TNFRSF8: variants seen among roughly 807,000 people sequenced by gnomAD.
The protein encoded by TNFRSF8 is tumor necrosis factor receptor superfamily member 8.
A neutral mutation model predicts 70.8 loss-of-function variants in TNFRSF8; 26 were observed. That is an observed-to-expected ratio of 0.37 (90% CI 0.27 to 0.51). TNFRSF8 has a LOEUF of 0.51. TNFRSF8 is among the 20% of genes least tolerant of loss of function. TNFRSF8 has a pLI of 0.94. For missense variants in TNFRSF8, 720 were observed against 807.9 expected (o/e 0.89, Z 1.32); for synonymous variants, 356 against 339.2 (o/e 1.05, Z -0.54).
At chr1:12,100,115 G>A (rs1244736583) in intron 3 of TNFRSF8, among the ~76,000 whole-genome samples, 4 of 152,026 alleles carry the variant, frequency 2.6e-5, no homozygotes, top group Admixed American at 6.6e-5. Context: ...GTTGCAGTGC[G>A]CCGAGATCAT....
Position 12,109,913 on chromosome 1 carries a change from G to A in TNFRSF8, c.513-128G>A. On this transcript the variant is annotated intron_variant, in intron 5 of 14. Transcript: ENST00000263932. The surrounding 1 kb of genome is among the most constrained non-coding windows in gnomAD (Gnocchi z 4.4). The stretch of plus-strand genomic sequence containing the variant: ...CAGGCCTTGCTCCCAGGAGCTTACA[G>A]TGGGCCCGCCAGAGGCAGTGGGCCA... 1 of 1,210,656 alleles carries A rather than the reference G, an allele frequency of 8.3e-7. No individual in the cohort carries two copies. Among genetic ancestry groups the A allele is most frequent in the Non-Finnish European group, 1.2e-6 (1 of 859,218 alleles). 75.0% of individuals were successfully genotyped at this position (1,210,656 alleles called of 1,614,324 possible).
At chr1:12,135,665 T>C (rs1490308624) in intron 13 of TNFRSF8, 52 bp downstream of exon 13, 3 of 1,608,036 alleles carry the variant, frequency 1.9e-6, no homozygotes, top group Non-Finnish European at 2.5e-6. Context: ...TAAATCTGAC[T>C]CCTTCCCTAA....
rs1453795344 is a variant in TNFRSF8 at position 12,110,463 on chromosome 1, C to T, written c.676+259C>T. ...GTGCCCCATCTCTCCCTCTATTTCC[C>T]TCTACGTTGGTTTGTCAGAGGGAAA... On this transcript the variant is annotated intron_variant, in intron 6 of 14. Coordinates refer to ENST00000263932, the MANE Select transcript of TNFRSF8 (RefSeq NM_001243.5). This position sits in a 1 kb window ranked among gnomAD's most constrained non-coding sequence, Gnocchi z 4.0. Among the ~76,000 whole-genome samples the T allele has an allele frequency of 6.6e-6, 1 of 152,198 alleles. No homozygotes were observed.
chr1:12,071,627 T>A (rs1367819941), intron 1 of TNFRSF8, among the ~76,000 whole-genome samples: 1 of 151,474 alleles, frequency 6.6e-6, no homozygotes, highest in Non-Finnish European at 1.5e-5. Flanking sequence ...TTGAGCTCGA[T>A]CTCTCGGCTC....
intron 2 of TNFRSF8, among the ~76,000 whole-genome samples, chr1:12,087,626 T>A (rs1641178300): frequency 6.6e-6 from 1 of 152,220 alleles, no homozygotes; most frequent in African/African-American, 2.4e-5. Flanking sequence ...GCCCGCTTGC[T>A]GTGGTTTTTA....
intron 1 of TNFRSF8, among the ~76,000 whole-genome samples, chr1:12,081,903 G>A (rs1641070455): frequency 6.6e-6 from 1 of 152,094 alleles, no homozygotes; most frequent in Non-Finnish European, 1.5e-5. Context: ...GCACCATCTT[G>A]GATGCTGAAG....
chr1:12,122,038 CG>C (rs1557599083), intron 8 of TNFRSF8, among the ~76,000 whole-genome samples: 1 of 152,056 alleles, frequency 6.6e-6, no homozygotes, highest in East Asian at 1.9e-4. Flanking sequence ...TAAAGCAGAT[CG>C]GTGGTTGCCT....
chr1:12,114,769 C>T (rs972349285), intron 7 of TNFRSF8, among the ~76,000 whole-genome samples: 1 of 123,384 alleles, frequency 8.1e-6, no homozygotes, highest in African/African-American at 3.0e-5. Flanking sequence ...AGTGCAGTGG[C>T]ACTATCTTGG....
In TNFRSF8 at chr1:12,123,322, C is replaced by T; in HGVS notation, c.985C>T (p.Leu329=). The T allele has an allele frequency of 6.2e-7, 1 of 1,613,524 alleles. No homozygotes were observed. The highest frequency in any genetic ancestry group is 1.7e-4 in the Middle Eastern group (1 of 6,058). The change falls in exon 9 of 15, where the codon CTG becomes TTG. Residue 329 remains leucine (L), a synonymous_variant. Transcript: ENST00000263932. ...EKDTTFEAPP[L]GTQPDCNPTP... is the part of the protein sequence containing the mutation. ...GGACACCACCTTTGAGGCGCCACCC[C>T]TGGGGACCCAGCCGGACTGCAACCC...
At chr1:12,125,916 C>T in intron 10 of TNFRSF8, 35 bp from the exon 11 acceptor site, 1 of 1,572,276 alleles carries the variant, frequency 6.4e-7, no homozygotes, top group South Asian at 1.1e-5. Flanking sequence ...GTGGTTGCAG[C>T]AAGGCAAAGA....
chr1:12,087,821 A>T (rs1053018162), intron 2 of TNFRSF8, among the ~76,000 whole-genome samples: 1 of 152,108 alleles, frequency 6.6e-6, no homozygotes, highest in Non-Finnish European at 1.5e-5. Flanking sequence ...CCCTCCACTT[A>T]AAAGCTGTGA....
intron 2 of TNFRSF8, among the ~76,000 whole-genome samples, chr1:12,094,058 CA>C (rs778868213): frequency 0.46 from 38,816 of 84,430 alleles, 7,542 homozygotes; most frequent in South Asian, 0.56. Flanking sequence ...GACTTTGTCT[CA>C]AAAAAAAAAA....
chr1:12,084,806 G>A (rs1293048323), intron 2 of TNFRSF8, among the ~76,000 whole-genome samples: 2 of 152,172 alleles, frequency 1.3e-5, no homozygotes, highest in Non-Finnish European at 1.5e-5. Context: ...ACGTAGAGCT[G>A]CCCTTTATTG....
intron 12 of TNFRSF8, among the ~76,000 whole-genome samples, chr1:12,130,009 A>G (rs1029283095): frequency 4.6e-5 from 7 of 152,018 alleles, no homozygotes; most frequent in Admixed American, 6.6e-5. Flanking sequence ...GGTTCAAGCA[A>G]TTCTCCTGCT....
intron 1 of TNFRSF8, among the ~76,000 whole-genome samples, chr1:12,064,268 TG>T (rs1640699873): frequency 6.6e-6 from 1 of 152,182 alleles, no homozygotes; most frequent in South Asian, 2.1e-4. Flanking sequence ...CATTTGCCCC[TG>T]GAAGAAGGTC....
In TNFRSF8 at chr1:12,112,421, A is replaced by G. The variant is rs1641650113; in HGVS notation, c.793+407A>G. ...TTTTTTTTTTCCCAGACAGGGTCTC[A>G]CTCCTTCACCCAAGCTGCAGTACGG... On this transcript the variant is annotated intron_variant, in intron 7 of 14. Coordinates refer to ENST00000263932, the MANE Select transcript of TNFRSF8 (RefSeq NM_001243.5). This position sits in a 1 kb window ranked among gnomAD's most constrained non-coding sequence, Gnocchi z 5.3. Among the ~76,000 whole-genome samples, 1 of 143,162 alleles carries G rather than the reference A, an allele frequency of 7.0e-6. No individual in the cohort carries two copies. The highest frequency in any genetic ancestry group is 1.5e-5 in the Non-Finnish European group (1 of 65,718). The allele number at this position is 143,162 out of a possible 152,430, so 93.9% of individuals were successfully genotyped here. A position where few individuals can be genotyped will look rare whatever the true frequency, so the allele number is the denominator to read the frequency against.
chr1:12,129,646 G>A (rs895349114), intron 12 of TNFRSF8, among the ~76,000 whole-genome samples: 7 of 152,052 alleles, frequency 4.6e-5, no homozygotes, highest in African/African-American at 9.7e-5. Context: ...GTTTTCTCCC[G>A]AGTGGATTCA....
chr1:12,082,565 A>AC (rs1348441453), intron 1 of TNFRSF8, among the ~76,000 whole-genome samples: 14 of 147,014 alleles, frequency 9.5e-5, no homozygotes, highest in Admixed American at 6.2e-4. Flanking sequence ...AAAAAAAAAC[A>AC]AAAACAAAAC....
intron 1 of TNFRSF8, among the ~76,000 whole-genome samples, chr1:12,076,656 A>G (rs760186561): frequency 6.6e-6 from 1 of 152,134 alleles, no homozygotes. Flanking sequence ...GGGAAAACTC[A>G]ACTCGGCACC....
Sources: gnomAD v4.1 joint callset for allele counts (sites outside exome capture counted in the v4.1 genomes callset) on GRCh38, gnomAD v4.1.1 for gene constraint, Gnocchi (gnomAD v3.1) non-coding constraint, MANE v1.5 for transcripts, NCBI Gene and HGNC (gene_info 2026-07-23, HGNC 2026-07-21) for gene names.